UHRF2: variants seen among roughly 807,000 people sequenced by gnomAD.
The protein encoded by UHRF2 is E3 ubiquitin-protein ligase UHRF2.
Under a neutral mutation model 96.8 loss-of-function variants are expected in UHRF2, and 23 were observed. The observed-to-expected ratio is 0.24, with a 90% CI of 0.17 to 0.34. The LOEUF is 0.34. Ranked by LOEUF, UHRF2 falls within the 10% of genes least tolerant of loss-of-function variation. The pLI, the probability that UHRF2 is intolerant of heterozygous loss-of-function variation, is 1.00. For missense variants in UHRF2, 685 were observed against 981.5 expected (o/e 0.70, Z 4.04); for synonymous variants, 385 against 332.6 (o/e 1.16, Z -1.72).
At position 6,484,474 on chromosome 9, in the gene UHRF2, G is replaced by A. The variant is rs533688861; in HGVS notation, c.1393-2347G>A. On this transcript the variant is annotated intron_variant, in intron 8 of 15. Transcript: ENST00000276893. ...CCTCCCCCCTCCTCCTGGATGCAGT[G>A]CCATAATCACAGTCCCCTCCTGGGC... 356 of 140,152 alleles carry A rather than the reference G, an allele frequency of 2.5e-3. 1 individual carries two copies. The highest frequency in any genetic ancestry group is 9.3e-3 in the African/African-American group (343 of 36,966). The allele number at this position is 140,152 out of a possible 1,614,324, so 8.7% of individuals were successfully genotyped here. A position where few individuals can be genotyped will look rare whatever the true frequency, so the allele number is the denominator to read the frequency against.
At chr9:6,491,059 C>G (rs904702916) in intron 9 of UHRF2, among the ~76,000 whole-genome samples, 3 of 152,184 alleles carry the variant, frequency 2.0e-5, no homozygotes, top group Admixed American at 6.5e-5. Flanking sequence ...CTGCTGATAA[C>G]TGAGTTAATA....
At chr9:6,478,792 T>C (rs1293233941) in intron 6 of UHRF2, among the ~76,000 whole-genome samples, 1 of 152,212 alleles carries the variant, frequency 6.6e-6, no homozygotes, top group Admixed American at 6.5e-5. Context: ...TGCTGTATTA[T>C]GACAGGCTGT....
chr9:6,491,996 G>A (rs1379877916), intron 9 of UHRF2, among the ~76,000 whole-genome samples: 1 of 152,190 alleles, frequency 6.6e-6, no homozygotes, highest in Non-Finnish European at 1.5e-5. Context: ...GCCTCCCACA[G>A]TGCTGGGATT....
intron 14 of UHRF2, among the ~76,000 whole-genome samples, chr9:6,501,034 C>T (rs1816264587): frequency 6.6e-6 from 1 of 152,180 alleles, no homozygotes; most frequent in African/African-American, 2.4e-5. Context: ...TGTTACAGTT[C>T]AAAGTTACCT....
intron 4 of UHRF2, among the ~76,000 whole-genome samples, chr9:6,475,013 A>T (rs1273620684): frequency 6.6e-6 from 1 of 152,222 alleles, no homozygotes; most frequent in East Asian, 1.9e-4. Context: ...CCAAAGGACA[A>T]AACAAACAGA....
intron 4 of UHRF2, among the ~76,000 whole-genome samples, chr9:6,472,192 T>C (rs1823283444): frequency 6.6e-6 from 1 of 152,194 alleles, no homozygotes; most frequent in Non-Finnish European, 1.5e-5. Flanking sequence ...TCTATCAGAT[T>C]AGATTTTAGT....
At chr9:6,469,595 C>T (rs1563782643) in intron 4 of UHRF2, among the ~76,000 whole-genome samples, 2 of 150,444 alleles carry the variant, frequency 1.3e-5, no homozygotes, top group African/African-American at 2.5e-5. Context: ...GAAGATAAGT[C>T]AATAAAAACT....
chr9:6,427,684 CA>C (rs955972974), intron 2 of UHRF2, among the ~76,000 whole-genome samples: 2 of 151,866 alleles, frequency 1.3e-5, no homozygotes, highest in African/African-American at 4.8e-5. Context: ...GACCCCATCT[CA>C]AAAAAAAGAA....
intron 3 of UHRF2, among the ~76,000 whole-genome samples, chr9:6,450,828 C>T (rs181851106): frequency 6.6e-6 from 1 of 152,124 alleles, no homozygotes; most frequent in Non-Finnish European, 1.5e-5. Flanking sequence ...AATGTTCCAG[C>T]CCTGGGTTCA....
chr9:6,446,850 A>G (rs1259961143), intron 3 of UHRF2, among the ~76,000 whole-genome samples: 1 of 151,774 alleles, frequency 6.6e-6, no homozygotes, highest in Non-Finnish European at 1.5e-5. Context: ...GTCTCAAAAA[A>G]TAAATAAACA....
intron 6 of UHRF2, among the ~76,000 whole-genome samples, chr9:6,479,923 C>A (rs931226251): frequency 6.6e-6 from 1 of 152,160 alleles, no homozygotes; most frequent in Non-Finnish European, 1.5e-5. Flanking sequence ...CTCTTTGCTT[C>A]CATGTACTAT....
chr9:6,480,467 A>G (rs1025718116), intron 6 of UHRF2, among the ~76,000 whole-genome samples: 3 of 152,224 alleles, frequency 2.0e-5, no homozygotes, highest in African/African-American at 7.2e-5. Context: ...AGGATGGTAT[A>G]ATTAGAAGAG....
At position 6,428,533 on chromosome 9, in the gene UHRF2, CTTTTTTTTTTTTTTTTTTTTT is replaced by C. The variant is rs1171172143; in HGVS notation, c.385-5363_385-5343del. Among the ~76,000 whole-genome samples, 114 of 65,420 alleles carry C rather than the reference CTTTTTTTTTTTTTTTTTTTTT, an allele frequency of 1.7e-3. 1 individual carries two copies. The highest frequency in any genetic ancestry group is 5.0e-3 in the Admixed American group (22 of 4,438). The allele number at this position is 65,420 out of a possible 152,430, so 42.9% of individuals were successfully genotyped here. A position where few individuals can be genotyped will look rare whatever the true frequency, so the allele number is the denominator to read the frequency against. ...TGTAAATGGAACCATATTGCTTTTGCTTTTTTTTTTTTTTTTTTTTTTTTTTTTTTTTTTTTTTGAACGATC... is the reference window on the plus strand; with the variant it reads ...TGTAAATGGAACCATATTGCTTTTGCTTTTTTTTTTTTTTTTTGAACGATC... On this transcript the variant is annotated intron_variant, in intron 2 of 15. Coordinates refer to ENST00000276893, the MANE Select transcript of UHRF2 (RefSeq NM_152896.3).
intron 2 of UHRF2, among the ~76,000 whole-genome samples, chr9:6,426,159 G>A (rs1450176667): frequency 2.0e-5 from 3 of 152,158 alleles, no homozygotes; most frequent in South Asian, 4.1e-4. Context: ...AATCGAATTC[G>A]GAAGAGCATC....
chr9:6,416,125 G>C (rs1227388021), intron 1 of UHRF2, among the ~76,000 whole-genome samples: 1 of 152,010 alleles, frequency 6.6e-6, no homozygotes, highest in African/African-American at 2.4e-5. Flanking sequence ...CTGGAGTGGC[G>C]CGATCTCGGC....
chr9:6,503,631 C>T, intron 14 of UHRF2, among the ~76,000 whole-genome samples: 1 of 152,008 alleles, frequency 6.6e-6, no homozygotes, highest in Non-Finnish European at 1.5e-5. Context: ...TTAGATACTA[C>T]AGAGTATTGT....
intron 8 of UHRF2, among the ~76,000 whole-genome samples, chr9:6,483,242 T>C (rs1438283010): frequency 6.6e-6 from 1 of 151,112 alleles, no homozygotes; most frequent in Non-Finnish European, 1.5e-5. Context: ...GGGGAATTGC[T>C]TGAACCCAGG....
intron 8 of UHRF2, among the ~76,000 whole-genome samples, chr9:6,484,392 TCTCCTCCTCCTC>T (rs1196787369): frequency 2.0e-5 from 3 of 149,558 alleles, no homozygotes; most frequent in East Asian, 2.0e-4. Flanking sequence ...GGCAGCAGCT[TCTCCTCCTCCTC>T]CTCCTCCCTC....
chr9:6,478,837 T>C (rs562167440), intron 6 of UHRF2, among the ~76,000 whole-genome samples: 1 of 152,328 alleles, frequency 6.6e-6, no homozygotes, highest in Non-Finnish European at 1.5e-5. Context: ...ATATATCTTC[T>C]TCCTTTTACC....
Sources: allele counts gnomAD v4.1 joint callset (sites outside exome capture counted in the v4.1 genomes callset), GRCh38; gene constraint gnomAD v4.1.1; transcripts MANE v1.5; gene names NCBI Gene and HGNC (gene_info 2026-07-23, HGNC 2026-07-21).